MSL2: variants seen among roughly 807,000 people sequenced by gnomAD.
The protein encoded by MSL2 is E3 ubiquitin-protein ligase MSL2.
MSL2 carries 2 observed loss-of-function variants against 35.8 expected under a neutral mutation model. The ratio of observed to expected loss-of-function variants is 0.06; its 90% CI spans 0.02 to 0.18. MSL2 has a LOEUF of 0.18. Ranked by LOEUF, MSL2 falls within the 10% of genes least tolerant of loss-of-function variation. MSL2 has a pLI of 1.00. For synonymous variants in MSL2, 296 were observed against 255.7 expected, an observed-to-expected ratio of 1.16 and a Z score of -1.50; for missense variants, 523 against 706.7, an observed-to-expected ratio of 0.74 and a Z score of 2.95.
chr3:136,165,946 G>A (rs1158123167), intron 1 of MSL2, among the ~76,000 whole-genome samples: 2 of 147,840 alleles, frequency 1.4e-5, no homozygotes, highest in African/African-American at 5.2e-5. Flanking sequence ...GATTTTACAT[G>A]ATGTCATGAT....
intron 1 of MSL2, among the ~76,000 whole-genome samples, chr3:136,166,636 G>A (rs1939862478): frequency 6.6e-6 from 1 of 152,116 alleles, no homozygotes; most frequent in African/African-American, 2.4e-5. Context: ...CTGCCAGCCA[G>A]CATCAAGATT....
At chr3:136,184,858 G>C (rs1475633461) in intron 1 of MSL2, among the ~76,000 whole-genome samples, 1 of 151,296 alleles carries the variant, frequency 6.6e-6, no homozygotes, top group African/African-American at 2.4e-5. Context: ...AATGATGCTA[G>C]CCAATAATGG....
intron 1 of MSL2, among the ~76,000 whole-genome samples, chr3:136,190,059 C>A (rs969604133): frequency 6.6e-6 from 1 of 151,320 alleles, no homozygotes; most frequent in Non-Finnish European, 1.5e-5. Flanking sequence ...CCAGCCTGGG[C>A]AACATAGCAA....
intron 1 of MSL2, among the ~76,000 whole-genome samples, chr3:136,170,874 T>C (rs1335602351): frequency 1.3e-5 from 2 of 152,108 alleles, no homozygotes; most frequent in South Asian, 2.1e-4. Flanking sequence ...GGCAGGGGGA[T>C]ACCTTTTTAA....
At chr3:136,193,018 G>A (rs955511749) in intron 1 of MSL2, among the ~76,000 whole-genome samples, 2 of 152,076 alleles carry the variant, frequency 1.3e-5, no homozygotes, top group Non-Finnish European at 2.9e-5. Context: ...CAATCATAAG[G>A]GAGAAGCAGA....
At chr3:136,162,946 A>G (rs1329497433) in intron 1 of MSL2, among the ~76,000 whole-genome samples, 2 of 151,198 alleles carry the variant, frequency 1.3e-5, no homozygotes, top group Admixed American at 6.6e-5. Context: ...TAAAAAGTCA[A>G]TGTTAATGCC....
Position 136,152,288 on chromosome 3 carries a change from T to C in MSL2, c.593A>G (p.Asn198Ser), listed in dbSNP as rs1191293140. 4 of 1,613,934 alleles carry C rather than the reference T, an allele frequency of 2.5e-6. No homozygotes were observed. The highest frequency in any genetic ancestry group is 1.1e-5 in the South Asian group (1 of 91,092). Reference sequence around the variant, plus strand: ...ACCAAATCTATCTATTGAAAGCCCATTATAAGTAGGCAAACCATTGATAAC... The same window carrying C: ...ACCAAATCTATCTATTGAAAGCCCACTATAAGTAGGCAAACCATTGATAAC... Reference protein sequence around the residue: ...SSVINGLPTYNGLSIDRFGIN... With the variant: ...SSVINGLPTYSGLSIDRFGIN... The change falls in exon 2 of 2, where the codon AAT becomes AGT. Residue 198 changes from asparagine to serine, a missense_variant. Around this residue, in one of 5 missense-constraint regions of MSL2, gnomAD observed 361 missense variants for 414.6 expected, o/e 0.87. Transcript: ENST00000309993.
chr3:136,168,025 C>T (rs543391050), intron 1 of MSL2, among the ~76,000 whole-genome samples: 37 of 152,170 alleles, frequency 2.4e-4, no homozygotes, highest in South Asian at 8.3e-4. Flanking sequence ...AAATTTGCTT[C>T]CCAAAAAACG....
intron 1 of MSL2, 144 bp downstream of exon 1, chr3:136,194,828 G>C (rs570031301): frequency 1.9e-5 from 26 of 1,333,622 alleles, no homozygotes; most frequent in Admixed American, 6.9e-5. Context: ...CCCTCAGCAA[G>C]TTTCAAAACT....
intron 1 of MSL2, among the ~76,000 whole-genome samples, chr3:136,178,988 T>TTTTTTC (rs1553766937): frequency 8.9e-5 from 13 of 146,006 alleles, no homozygotes; most frequent in African/African-American, 3.3e-4. Context: ...TCTTTTTTTT[T>TTTTTTC]TTTTTTTTTT....
intron 1 of MSL2, among the ~76,000 whole-genome samples, chr3:136,173,933 T>TC (rs1434024365): frequency 9.8e-5 from 15 of 152,338 alleles, no homozygotes; most frequent in African/African-American, 3.4e-4. Flanking sequence ...TTACTCATCC[T>TC]CCATGATTTG....
intron 1 of MSL2, among the ~76,000 whole-genome samples, chr3:136,190,597 C>A (rs2108097494): frequency 6.6e-6 from 1 of 151,538 alleles, no homozygotes; most frequent in East Asian, 1.9e-4. Context: ...ATGATACTTT[C>A]CAAGTTATCT....
At chr3:136,181,921 A>AAAATAAATAAAT (rs144747029) in intron 1 of MSL2, among the ~76,000 whole-genome samples, 5 of 147,260 alleles carry the variant, frequency 3.4e-5, no homozygotes, top group African/African-American at 1.2e-4. Context: ...TCTGTCTCAA[A>AAAATAAATAAAT]AAATAAATAA....
intron 1 of MSL2, among the ~76,000 whole-genome samples, chr3:136,187,705 A>G (rs1418084212): frequency 2.0e-5 from 3 of 152,156 alleles, no homozygotes; most frequent in African/African-American, 7.2e-5. Context: ...CCCCAAATTA[A>G]TATTTTCTAA....
chr3:136,185,663 GC>G (rs1940500369), intron 1 of MSL2, among the ~76,000 whole-genome samples: 1 of 151,410 alleles, frequency 6.6e-6, no homozygotes, highest in African/African-American at 2.4e-5. Flanking sequence ...GCACCACCAC[GC>G]CCGGCTAATT....
In MSL2 at chr3:136,180,803, AG is replaced by A. The variant is rs1559969282; in HGVS notation, c.142+14168del. Among the ~76,000 whole-genome samples, 223 of 92,244 alleles carry A rather than the reference AG, an allele frequency of 2.4e-3. 6 individuals carry two copies. The highest frequency in any genetic ancestry group is 7.8e-3 in the East Asian group (22 of 2,816). 60.5% of individuals were successfully genotyped at this position (92,244 alleles called of 152,430 possible). On this transcript the variant is annotated intron_variant, in intron 1 of 1. Transcript: ENST00000309993. ...GAGGGAGGGAGGGAGGGAGGGAGGG[AG>A]GGAGGGAAGGAGGGAAGGAAGGAAG... is the stretch of plus-strand genomic sequence containing the variant.
intron 1 of MSL2, among the ~76,000 whole-genome samples, chr3:136,187,956 G>A (rs1381525207): frequency 6.6e-6 from 1 of 152,052 alleles, no homozygotes; most frequent in Non-Finnish European, 1.5e-5. Flanking sequence ...AAAAAAGAAA[G>A]AAAGAAACGG....
chr3:136,175,623 G>A (rs1201319176), intron 1 of MSL2, among the ~76,000 whole-genome samples: 2 of 151,968 alleles, frequency 1.3e-5, no homozygotes, highest in East Asian at 3.8e-4. Flanking sequence ...GGAGTTCGAG[G>A]CTGCAAGTGA....
intron 1 of MSL2, chr3:136,152,969 G>A: frequency 1.0e-6 from 1 of 985,300 alleles, no homozygotes; most frequent in Non-Finnish European, 1.2e-6. Flanking sequence ...CCTTGATTCT[G>A]TGTCTCTCTC....
Sources: gnomAD v4.1 joint callset for allele counts (sites outside exome capture counted in the v4.1 genomes callset) on GRCh38, gnomAD v4.1.1 for gene constraint, gnomAD v4.1.1 regional missense constraint, MANE v1.5 for transcripts, NCBI Gene and HGNC (gene_info 2026-07-23, HGNC 2026-07-21) for gene names.